Variants in DOK6 observed in about 807,000 individuals in gnomAD.
The protein encoded by DOK6 is downstream of tyrosine kinase 6.
In DOK6, 22 loss-of-function variants were observed where a neutral mutation model predicts 44.0. The ratio of observed to expected loss-of-function variants is 0.50; its 90% confidence interval spans 0.36 to 0.71. The LOEUF (loss-of-function observed/expected upper bound fraction) is 0.71, where lower values mean the gene tolerates loss of function less well. DOK6 is among the 30% of genes least tolerant of loss of function. The pLI is 0.00. For missense variants in DOK6, 340 were observed against 416.4 expected, an observed-to-expected ratio of 0.82 and a Z score of 1.60; for synonymous variants, 166 against 145.5, an observed-to-expected ratio of 1.14 and a Z score of -1.01.
chr18:69,469,620 G>T, intron 1 of DOK6: 1 of 223,602 alleles, frequency 4.5e-6, no homozygotes, highest in South Asian at 5.1e-5. Flanking sequence ...TCTCAGGCTT[G>T]GTGCTGCTAG....
chr18:69,547,083 T>C (rs1982427154), intron 1 of DOK6, among the ~76,000 whole-genome samples: 1 of 151,400 alleles, frequency 6.6e-6, no homozygotes, highest in Admixed American at 6.6e-5. Flanking sequence ...TCAGGGAACG[T>C]ACCCTTTTTT....
chr18:69,611,049 A>G (rs1053942630), intron 3 of DOK6, among the ~76,000 whole-genome samples: 6 of 151,782 alleles, frequency 4.0e-5, no homozygotes, highest in African/African-American at 1.5e-4. Flanking sequence ...AAAGGCAACC[A>G]AAAAAAGAAT....
chr18:69,471,250 C>CAAAAAAAA (rs71176969), intron 1 of DOK6, among the ~76,000 whole-genome samples: 14 of 27,778 alleles, frequency 5.0e-4, no homozygotes, highest in African/African-American at 1.5e-3. Flanking sequence ...AACTCCATCT[C>CAAAAAAAA]AAAAAAAAAA....
At chr18:69,738,035 G>C (rs1309104355) in intron 5 of DOK6, among the ~76,000 whole-genome samples, 1 of 152,202 alleles carries the variant, frequency 6.6e-6, no homozygotes, top group East Asian at 1.9e-4. Context: ...ATTTCACGCT[G>C]TGTGAATTTT....
chr18:69,635,278 C>T (rs12959696), intron 3 of DOK6, among the ~76,000 whole-genome samples: 115,934 of 151,418 alleles, frequency 0.77, 47,454 homozygotes, highest in Non-Finnish European at 0.92. Context: ...ATATTTTTCT[C>T]TTTTTTTCTC....
intron 5 of DOK6, among the ~76,000 whole-genome samples, chr18:69,723,871 C>T (rs1327063827): frequency 2.0e-5 from 3 of 152,164 alleles, no homozygotes; most frequent in Non-Finnish European, 2.9e-5. Flanking sequence ...CCTTCGATTC[C>T]ACTCAGTGTG....
At chr18:69,527,702 T>A (rs1175530585) in intron 1 of DOK6, among the ~76,000 whole-genome samples, 2 of 152,176 alleles carry the variant, frequency 1.3e-5, no homozygotes, top group Non-Finnish European at 2.9e-5. Flanking sequence ...AACTACTGAT[T>A]TGTACAAAAA....
At chr18:69,587,263 A>G (rs374936804) in intron 2 of DOK6, among the ~76,000 whole-genome samples, 1 of 152,086 alleles carries the variant, frequency 6.6e-6, no homozygotes, top group East Asian at 1.9e-4. Flanking sequence ...CACTCTCCCA[A>G]AGCTTCCAAG....
chr18:69,680,565 T>C lies in DOK6; in HGVS notation c.409+2712T>C, dbSNP rs575530569. ...TTGAGGCAATATCAAGATTTCAGAC[T>C]CTATTCTTGCTAGCTCAATAATCTA... On this transcript the variant is annotated intron_variant, in intron 4 of 7. Coordinates refer to ENST00000382713, the MANE Select transcript of DOK6 (RefSeq NM_152721.6). Among the ~76,000 whole-genome samples the C allele has an allele frequency of 2.6e-4, 40 of 152,352 alleles. No individual in the cohort carries two copies. In the South Asian group the frequency reaches 6.0e-3, roughly 23 times the overall value.
chr18:69,455,962 A>T (rs1423738672), intron 1 of DOK6, among the ~76,000 whole-genome samples: 1 of 152,234 alleles, frequency 6.6e-6, no homozygotes, highest in African/African-American at 2.4e-5. Flanking sequence ...ACTATAGTGT[A>T]TCCAAATTAA....
At chr18:69,677,693 AG>A in intron 3 of DOK6, 40 bp from the exon 4 acceptor site, 6 of 1,610,780 alleles carry the variant, frequency 3.7e-6, no homozygotes, top group Non-Finnish European at 5.1e-6. Context: ...CATCATTCCT[AG>A]GGAGCATTGC....
intron 3 of DOK6, among the ~76,000 whole-genome samples, chr18:69,653,052 A>G (rs1334432089): frequency 2.0e-5 from 3 of 152,196 alleles, no homozygotes; most frequent in Non-Finnish European, 4.4e-5. Context: ...CGTTAAAAAC[A>G]TGGGTAAATA....
At chr18:69,623,055 G>T (rs1037318021) in intron 3 of DOK6, among the ~76,000 whole-genome samples, 9 of 152,256 alleles carry the variant, frequency 5.9e-5, no homozygotes, top group African/African-American at 1.9e-4. Context: ...TTGAATTATG[G>T]GGGGTGGACT....
intron 5 of DOK6, among the ~76,000 whole-genome samples, chr18:69,712,243 T>G (rs1260347149): frequency 1.8e-5 from 2 of 109,348 alleles, no homozygotes; most frequent in African/African-American, 7.2e-5. Context: ...ATCCCGCCAC[T>G]GCACTCCAGC....
intron 7 of DOK6, among the ~76,000 whole-genome samples, chr18:69,835,021 G>A (rs975195582): frequency 1.3e-5 from 2 of 152,120 alleles, no homozygotes; most frequent in Admixed American, 6.5e-5. Flanking sequence ...ATTAGATCTC[G>A]TGAGAACTCA....
At chr18:69,458,393 C>A (rs1979688048) in intron 1 of DOK6, among the ~76,000 whole-genome samples, 1 of 152,098 alleles carries the variant, frequency 6.6e-6, no homozygotes, top group Admixed American at 6.6e-5. Context: ...AATGAATATA[C>A]CTCAAAATAA....
chr18:69,542,465 G>A (rs1194565263), intron 1 of DOK6, among the ~76,000 whole-genome samples: 1 of 151,344 alleles, frequency 6.6e-6, no homozygotes, highest in African/African-American at 2.4e-5. Flanking sequence ...TGACCAAAAT[G>A]TTGACCCAAG....
At chr18:69,632,558 T>C (rs1984713329) in intron 3 of DOK6, among the ~76,000 whole-genome samples, 1 of 152,152 alleles carries the variant, frequency 6.6e-6, no homozygotes, top group Admixed American at 6.5e-5. Flanking sequence ...CGGGTACAAA[T>C]TTTAAATATT....
intron 1 of DOK6, among the ~76,000 whole-genome samples, chr18:69,527,261 C>T (rs1225401936): frequency 2.0e-5 from 3 of 152,150 alleles, no homozygotes; most frequent in African/African-American, 4.8e-5. Context: ...TCCATTATCA[C>T]GCTGCTATGA....
Sources: gnomAD v4.1 joint callset for allele counts (sites outside exome capture counted in the v4.1 genomes callset) on GRCh38, gnomAD v4.1.1 for gene constraint, MANE v1.5 for transcripts, NCBI Gene and HGNC (gene_info 2026-07-23, HGNC 2026-07-21) for gene names.